The following ZNF106 variants were observed in gnomAD, a reference collection of about 807,000 sequenced individuals.
ZNF106 encodes SH3-domain binding protein 3.
Under a neutral mutation model 195.1 loss-of-function variants are expected in ZNF106, and 67 were observed. The observed-to-expected ratio is 0.34, with a 90% CI of 0.28 to 0.42. The LOEUF (loss-of-function observed/expected upper bound fraction) is 0.42. Ranked by LOEUF, ZNF106 falls within the 10% of genes least tolerant of loss-of-function variation. The pLI is 1.00. For missense variants in ZNF106, 2,118 were observed against 2,304.5 expected, an observed-to-expected ratio of 0.92 and a Z score of 1.66; for synonymous variants, 784 against 818.6, an observed-to-expected ratio of 0.96 and a Z score of 0.72.
intron 14 of ZNF106, among the ~76,000 whole-genome samples, chr15:42,434,818 G>A (rs2141299961): frequency 6.8e-6 from 1 of 147,724 alleles, no homozygotes; most frequent in East Asian, 2.0e-4. Flanking sequence ...TTGTTGCCAA[G>A]GCTGGAGTGC....
intron 1 of ZNF106, among the ~76,000 whole-genome samples, chr15:42,478,679 CT>C (rs1172560074): frequency 1.3e-5 from 2 of 151,556 alleles, no homozygotes; most frequent in African/African-American, 2.4e-5. Flanking sequence ...GCCCAGCTAA[CT>C]TTTGTGTTTT....
chr15:42,417,654 T>G, intron 21 of ZNF106, 151 bp downstream of exon 21: 1 of 961,686 alleles, frequency 1.0e-6, no homozygotes, highest in Non-Finnish European at 1.5e-6. Flanking sequence ...TGCAACTTCA[T>G]TAAGCTACCC....
At chr15:42,417,739 G>T (rs909097137) in intron 21 of ZNF106, 66 bp downstream of exon 21, 4 of 1,485,520 alleles carry the variant, frequency 2.7e-6, no homozygotes, top group Middle Eastern at 1.9e-4. Context: ...AATAAAAAAG[G>T]TTTGCTAGCC....
chr15:42,442,404 T>C lies in ZNF106; in HGVS notation c.3432A>G (p.Glu1144=), dbSNP rs1253910240. 1 of 1,605,464 alleles carries C rather than the reference T, an allele frequency of 6.2e-7. No homozygotes were observed. The highest frequency in any genetic ancestry group is 1.7e-5 in the Admixed American group (1 of 59,068). ...QILQGLQETY[E]PSEHPDQVPC... ...GAACCTGGTCTGGGTGCTCAGAAGG[T>C]TCATATGTTTCTAGAATGGGAAACA... Residue 1144 remains glutamate (E), a synonymous_variant, in exon 10 of 22, where the codon GAA becomes GAG. Transcript: ENST00000564754.
At chr15:42,445,153 AC>A (rs1280353010) in intron 7 of ZNF106, among the ~76,000 whole-genome samples, 172 bp from the exon 8 acceptor site, 1 of 152,228 alleles carries the variant, frequency 6.6e-6, no homozygotes, top group Admixed American at 6.5e-5. Flanking sequence ...AAAGCTAGGA[AC>A]CAAAAGTGAG....
At chr15:42,420,895 TAAAAC>T (rs1198048275) in intron 20 of ZNF106, among the ~76,000 whole-genome samples, 161 bp downstream of exon 20, 8 of 152,184 alleles carry the variant, frequency 5.3e-5, no homozygotes, top group African/African-American at 9.7e-5. Flanking sequence ...GATTTTATAA[TAAAAC>T]AAAACCACCA....
At chr15:42,461,307 T>C (rs906470756) in intron 3 of ZNF106, among the ~76,000 whole-genome samples, 1 of 152,220 alleles carries the variant, frequency 6.6e-6, no homozygotes, top group Non-Finnish European at 1.5e-5. Context: ...TGTGAATAAA[T>C]AAAATAATCA....
At position 42,423,985 on chromosome 15, in the gene ZNF106, C is replaced by T; in HGVS notation, c.5253+13G>A. 2 of 1,603,456 alleles carry T rather than the reference C, an allele frequency of 1.2e-6. No individual in the cohort carries two copies. The highest frequency in any genetic ancestry group is 8.5e-7 in the Non-Finnish European group (1 of 1,176,598). On this transcript the variant is annotated intron_variant, in intron 17 of 21. Coordinates refer to ENST00000564754, the MANE Select transcript of ZNF106 (RefSeq NM_001366845.3). ...TATTCACAGTTTCTTTACACAACAC[C>T]AACACAGCTTACGTGAATGTTGTGA... is the stretch of plus-strand genomic sequence containing the variant.
intron 4 of ZNF106, among the ~76,000 whole-genome samples, chr15:42,453,177 GA>G (rs2141367293): frequency 6.6e-6 from 1 of 152,250 alleles, no homozygotes; most frequent in Non-Finnish European, 1.5e-5. Flanking sequence ...AGTGGTATAA[GA>G]AGACTTTTAT....
At chr15:42,460,821 T>C (rs942091252) in intron 3 of ZNF106, among the ~76,000 whole-genome samples, 15 of 150,592 alleles carry the variant, frequency 1.0e-4, no homozygotes, top group African/African-American at 3.7e-4. Flanking sequence ...GATTGCACCA[T>C]TGCACTCTAG....
intron 14 of ZNF106, among the ~76,000 whole-genome samples, chr15:42,434,553 T>TC (rs1250290994): frequency 6.6e-6 from 1 of 152,206 alleles, no homozygotes; most frequent in African/African-American, 2.4e-5. Flanking sequence ...TTCTTTATGT[T>TC]CCTGTTATCA....
At chr15:42,440,068 T>C (rs1429422529) in intron 10 of ZNF106, among the ~76,000 whole-genome samples, 1 of 152,242 alleles carries the variant, frequency 6.6e-6, no homozygotes, top group Non-Finnish European at 1.5e-5. Context: ...GGATTGTTTC[T>C]ATCAATCTTT....
At chr15:42,477,782 C>A (rs1313619301) in intron 1 of ZNF106, among the ~76,000 whole-genome samples, 1 of 151,598 alleles carries the variant, frequency 6.6e-6, no homozygotes. Context: ...CCCAGCTACT[C>A]GGGAGGCTGA....
chr15:42,471,172 A>T (rs113707946), intron 2 of ZNF106, among the ~76,000 whole-genome samples: 1 of 152,076 alleles, frequency 6.6e-6, no homozygotes, highest in Non-Finnish European at 1.5e-5. Flanking sequence ...TTGTTCTCCT[A>T]CCCAAAATAT....
chr15:42,424,067 G>GA lies in ZNF106; in HGVS notation c.5191-8dup, dbSNP rs1257520884. 1 of 1,610,956 alleles carries GA rather than the reference G, an allele frequency of 6.2e-7. No individual in the cohort carries two copies. Among genetic ancestry groups the GA allele is most frequent in the Non-Finnish European group, 8.5e-7 (1 of 1,179,080 alleles). ...ACACGAGATCATTCACCACCTTAAA[G>GA]AAAAAATTAAACAAGTCAGATTCTG... is the stretch of plus-strand genomic sequence containing the variant. On this transcript the variant is annotated splice_polypyrimidine_tract_variant and splice_region_variant and intron_variant, in intron 16 of 21. Coordinates refer to ENST00000564754, the MANE Select transcript of ZNF106 (RefSeq NM_001366845.3).
At position 42,424,909 on chromosome 15, in the gene ZNF106, A is replaced by T; in HGVS notation, c.5115T>A (p.Ile1705=). 1 of 1,614,112 alleles carries T rather than the reference A, an allele frequency of 6.2e-7. No homozygotes were observed. Among genetic ancestry groups the T allele is most frequent in the Non-Finnish European group, 8.5e-7 (1 of 1,180,020 alleles). The stretch of plus-strand genomic sequence containing the variant: ...GTCCATTCCGGGCATCGCGTACACT[A>T]ATTGTGCAGTCATAAGACCCCACGA... The part of the protein sequence containing the change: ...LLVVGSYDCT[I]SVRDARNGLL... Residue 1705 remains isoleucine, a synonymous_variant, in exon 16 of 22, where the codon ATT becomes ATA. Coordinates refer to ENST00000564754, the MANE Select transcript of ZNF106 (RefSeq NM_001366845.3).
intron 14 of ZNF106, among the ~76,000 whole-genome samples, chr15:42,430,128 C>G (rs903793884): frequency 7.2e-5 from 11 of 152,052 alleles, no homozygotes; most frequent in Non-Finnish European, 1.5e-5. Context: ...AGTTATGTCT[C>G]AATGTTAAAA....
chr15:42,470,665 T>C (rs1176116872), intron 2 of ZNF106, among the ~76,000 whole-genome samples: 1 of 152,128 alleles, frequency 6.6e-6, no homozygotes, highest in Non-Finnish European at 1.5e-5. Flanking sequence ...GCCAGAAAGA[T>C]TTAAAATGGC....
rs140004431 is a variant in ZNF106 at position 42,450,422 on chromosome 15, G to A, written c.1850C>T (p.Thr617Ile). 666 of 1,614,010 alleles carry A rather than the reference G, an allele frequency of 4.1e-4. No individual in the cohort carries two copies. The highest frequency in any genetic ancestry group is 5.4e-4 in the Non-Finnish European group (635 of 1,180,038). The change falls in exon 5 of 22, where the codon ACA becomes ATA. Residue 617 changes from threonine (T) to isoleucine (I), a missense_variant. Physicochemically the swap from Thr to Ile is moderately conservative, Grantham distance 89. Coordinates refer to ENST00000564754, the MANE Select transcript of ZNF106 (RefSeq NM_001366845.3). Reference sequence around the variant, plus strand: ...TGTTCCATGCTTTTCCGTGTCAGATGTCTCTCCATCACTTTCATCTTCTAG... The same window carrying A: ...TGTTCCATGCTTTTCCGTGTCAGATATCTCTCCATCACTTTCATCTTCTAG... ...HALEDESDGETSDTEKHGTKI... is the reference protein window; with the variant it reads ...HALEDESDGEISDTEKHGTKI...
Sources: allele counts gnomAD v4.1 joint callset (sites outside exome capture counted in the v4.1 genomes callset), GRCh38; gene constraint gnomAD v4.1.1; transcripts MANE v1.5; gene names NCBI Gene and HGNC (gene_info 2026-07-23, HGNC 2026-07-21).